OR4K17: variants seen among roughly 807,000 people sequenced by gnomAD.
OR4K17 encodes the protein olfactory receptor 4K17.
For synonymous variants in OR4K17, 157 were observed against 132.8 expected, an observed-to-expected ratio of 1.18 and a Z score of -1.25; for missense variants, 480 against 366.3, an observed-to-expected ratio of 1.31 and a Z score of -2.53.
intron 1 of OR4K17, 166 bp from the exon 2 acceptor site, chr14:20,117,302 G>A: frequency 2.6e-6 from 2 of 764,682 alleles, no homozygotes; most frequent in Non-Finnish European, 4.2e-6. Context: ...GAAGTGGACA[G>A]CTCAGACTAT....
chr14:20,114,536 G>A (rs544507640), intron 1 of OR4K17, among the ~76,000 whole-genome samples: 7 of 151,942 alleles, frequency 4.6e-5, no homozygotes, highest in African/African-American at 1.7e-4. Flanking sequence ...AATATAAAAC[G>A]TATTTAAATC....
In OR4K17 at chr14:20,117,922, T is replaced by C. The variant is rs566272923; in HGVS notation, c.423T>C (p.Cys141=). 7 of 1,614,120 alleles carry C rather than the reference T, an allele frequency of 4.3e-6. No individual in the cohort carries two copies. The African/African-American group carries it at 8.0e-5, about 18-fold the overall frequency. Residue 141 remains cysteine (C), a synonymous_variant, in exon 2 of 2, where the codon TGT becomes TGC. Coordinates refer to ENST00000641386, the MANE Select transcript of OR4K17 (RefSeq NM_001004715.5). ...HYMTIMNKKV[C]VLLVVTSWLL... is the part of the protein sequence containing the mutation. ...TGACCATCATGAACAAGAAGGTATGTGTTTTGCTTGTAGTGACCTCATGGC... is the reference window on the plus strand; with the variant it reads ...TGACCATCATGAACAAGAAGGTATGCGTTTTGCTTGTAGTGACCTCATGGC...
chr14:20,117,121 C>T (rs1285618923), intron 1 of OR4K17, among the ~76,000 whole-genome samples: 5 of 152,116 alleles, frequency 3.3e-5, no homozygotes, highest in Non-Finnish European at 5.9e-5. Context: ...TGTGCTGAAA[C>T]CCTTTGTTCT....
chr14:20,118,224 C>T lies in OR4K17; in HGVS notation c.725C>T (p.Ala242Val), dbSNP rs889588570. The change falls in exon 2 of 2, where the codon GCT (alanine) becomes GTT (valine). Residue 242 changes from alanine (A) to valine (V), a missense_variant. Coordinates refer to ENST00000641386, the MANE Select transcript of OR4K17 (RefSeq NM_001004715.5). ...TCTAAAGCCCGTTCCACTTTGACTG[C>T]TCACATCACAGTGGTGATTCTCTTC... Reference protein sequence around the residue: ...GQSKARSTLTAHITVVILFFG... With the variant: ...GQSKARSTLTVHITVVILFFG... 7 of 1,613,064 alleles carry T rather than the reference C, an allele frequency of 4.3e-6. No individual in the cohort carries two copies. In the African/African-American group the frequency reaches 5.3e-5, roughly 12 times the overall value.
chr14:20,114,104 A>G (rs1250604208), intron 1 of OR4K17, among the ~76,000 whole-genome samples: 4 of 152,034 alleles, frequency 2.6e-5, no homozygotes, highest in Admixed American at 2.6e-4. Flanking sequence ...CAAAGGATAC[A>G]TTCTTTTTAC....
Position 20,119,985 on chromosome 14 carries a change from CA to C in OR4K17, c.*1548del, listed in dbSNP as rs879390302. The stretch of plus-strand genomic sequence containing the variant: ...TAGTCAGTCAAGATTATTTTTAATG[CA>C]GCACCAAAAATAATAAATTATTGAT... On this transcript the variant is annotated 3_prime_UTR_variant, in exon 2 of 2. Transcript: ENST00000641386. 1 of 152,062 alleles carries C rather than the reference CA, an allele frequency of 6.6e-6. No individual in the cohort carries two copies. Among genetic ancestry groups the C allele is most frequent in the Non-Finnish European group, 1.5e-5 (1 of 68,008 alleles). 9.4% of individuals were successfully genotyped at this position (152,062 alleles called of 1,614,324 possible).
At position 20,119,544 on chromosome 14, in the gene OR4K17, C is replaced by A; in HGVS notation, c.*1106C>A. On this transcript the variant is annotated 3_prime_UTR_variant, in exon 2 of 2. Transcript: ENST00000641386. ...ATCTTCAAAATTTATGTTCTTCTGT[C>A]ACGGCTTCAGCAGGTCCCTCTGTTC... The A allele has an allele frequency of 6.6e-6, 1 of 152,458 alleles. No homozygotes were observed. The highest frequency in any genetic ancestry group is 2.0e-4 in the South Asian group (1 of 5,032). 9.4% of individuals were successfully genotyped at this position (152,458 alleles called of 1,614,324 possible).
In OR4K17 at chr14:20,117,782, G is replaced by T. The variant is rs769309392; in HGVS notation, c.283G>T (p.Ala95Ser). Residue 95 changes from alanine to serine, a missense_variant, in exon 2 of 2, where the codon GCT (alanine) becomes TCT (serine). Ala to Ser is a moderately conservative substitution (Grantham distance 99). Transcript: ENST00000641386. ...AAAAAAGCAGAAGGTAATTTCTTTTGCTGGGTGCTTCACTCAGATATTTCT... is the reference window on the plus strand; with the variant it reads ...AAAAAAGCAGAAGGTAATTTCTTTTTCTGGGTGCTTCACTCAGATATTTCT... ...LLKKQKVISF[A>S]GCFTQIFLLH... 1 of 1,614,042 alleles carries T rather than the reference G, an allele frequency of 6.2e-7. No homozygotes were observed. Among genetic ancestry groups the T allele is most frequent in the Non-Finnish European group, 8.5e-7 (1 of 1,179,994 alleles).
chr14:20,110,905 C>T lies in OR4K17; in HGVS notation c.-33+13C>T, dbSNP rs957297385. On this transcript the variant is annotated intron_variant, in intron 1 of 1. Transcript: ENST00000641386. ...TTCTTCTGAACTGGTAAGCAGAAGACATTGCTGACATTATAAAGCCAATGT... is the reference window on the plus strand; with the variant it reads ...TTCTTCTGAACTGGTAAGCAGAAGATATTGCTGACATTATAAAGCCAATGT... 1.4e-4 allele frequency: 21 copies of T among 152,142 alleles called. No homozygotes were observed. The highest frequency in any genetic ancestry group is 4.8e-4 in the African/African-American group (20 of 41,538). The allele number at this position is 152,142 out of a possible 1,614,324, so 9.4% of individuals were successfully genotyped here.
At position 20,121,483 on chromosome 14, in the gene OR4K17, G is replaced by A. The variant is rs558936939; in HGVS notation, c.*3045G>A. The A allele has an allele frequency of 4.6e-5, 7 of 152,084 alleles. No individual in the cohort carries two copies. The highest frequency in any genetic ancestry group is 1.3e-4 in the Admixed American group (2 of 15,278). The allele number at this position is 152,084 out of a possible 1,614,324, so 9.4% of individuals were successfully genotyped here. A position where few individuals can be genotyped will look rare whatever the true frequency, so the allele number is the denominator to read the frequency against. ...AATTGTGACAGTAAAAACATAAAAT[G>A]TGTGGGGGAGGTAGAATAAAAGTGT... On this transcript the variant is annotated 3_prime_UTR_variant, in exon 2 of 2. Coordinates refer to ENST00000641386, the MANE Select transcript of OR4K17 (RefSeq NM_001004715.5).
chr14:20,111,161 C>A (rs1877875044), intron 1 of OR4K17, among the ~76,000 whole-genome samples: 1 of 152,002 alleles, frequency 6.6e-6, no homozygotes, highest in Non-Finnish European at 1.5e-5. Flanking sequence ...AATTTATTAT[C>A]ATTTGGAAAA....
Position 20,117,691 on chromosome 14 carries a change from T to A in OR4K17, c.192T>A (p.Gly64=). The A allele has an allele frequency of 6.2e-7, 1 of 1,614,098 alleles. No individual in the cohort carries two copies. The highest frequency in any genetic ancestry group is 8.5e-7 in the Non-Finnish European group (1 of 1,179,984). Reference sequence around the variant, plus strand: ...ATACTCCCATGTATTTTCTCCTTGGTAATCTCTCTTTTGTAGATATGACCC... The same window carrying A: ...ATACTCCCATGTATTTTCTCCTTGGAAATCTCTCTTTTGTAGATATGACCC... The part of the protein sequence containing the change: ...NLNTPMYFLL[G]NLSFVDMTLA... Residue 64 remains glycine, a synonymous_variant, in exon 2 of 2, where the codon GGT becomes GGA. Transcript: ENST00000641386.
At position 20,118,651 on chromosome 14, in the gene OR4K17, G is replaced by A. The variant is rs923060721; in HGVS notation, c.*213G>A. The stretch of plus-strand genomic sequence containing the variant: ...TCCAGGGGAGACATCACATGTCAGC[G>A]GGTTCCGTGATGCCCCCCAAGCTGC... On this transcript the variant is annotated 3_prime_UTR_variant, in exon 2 of 2. Transcript: ENST00000641386. 37 of 385,420 alleles carry A rather than the reference G, an allele frequency of 9.6e-5. No homozygotes were observed. Among genetic ancestry groups the A allele is most frequent in the African/African-American group, 1.7e-4 (8 of 48,122 alleles). The allele number at this position is 385,420 out of a possible 1,614,324, so 23.9% of individuals were successfully genotyped here.
At chr14:20,113,289 A>G (rs1320019381) in intron 1 of OR4K17, among the ~76,000 whole-genome samples, 1 of 152,014 alleles carries the variant, frequency 6.6e-6, no homozygotes, top group African/African-American at 2.4e-5. Context: ...TTTTATACAT[A>G]TTTACCTATT....
Position 20,117,787 on chromosome 14 carries a change from G to C in OR4K17, c.288G>C (p.Gly96=), listed in dbSNP as rs777520458. The C allele has an allele frequency of 1.9e-6, 3 of 1,613,976 alleles. No homozygotes were observed. The highest frequency in any genetic ancestry group is 1.7e-6 in the Non-Finnish European group (2 of 1,180,016). Reference sequence around the variant, plus strand: ...AGCAGAAGGTAATTTCTTTTGCTGGGTGCTTCACTCAGATATTTCTCCTTC... The same window carrying C: ...AGCAGAAGGTAATTTCTTTTGCTGGCTGCTTCACTCAGATATTTCTCCTTC... ...LKKQKVISFA[G]CFTQIFLLHL... The change falls in exon 2 of 2, where the codon GGG becomes GGC. Residue 96 remains glycine, a synonymous_variant. Transcript: ENST00000641386.
At position 20,117,494 on chromosome 14, in the gene OR4K17, G is replaced by A. The variant is rs374774223; in HGVS notation, c.-6G>A. ...TCATCCAAGAGCGAGCTGTAGGATG[G>A]AGGCCATGAAACTATTAAATCAATC... On this transcript the variant is annotated 5_prime_UTR_variant, in exon 2 of 2. The change creates a premature stop within an existing upstream ORF in the 5' untranslated region. Coordinates refer to ENST00000641386, the MANE Select transcript of OR4K17 (RefSeq NM_001004715.5). The A allele has an allele frequency of 6.2e-6, 10 of 1,613,380 alleles. No homozygotes were observed. The African/African-American group carries it at 1.1e-4, about 17-fold the overall frequency.
intron 1 of OR4K17, among the ~76,000 whole-genome samples, chr14:20,114,509 T>C (rs1227666035): frequency 2.6e-5 from 4 of 152,080 alleles, no homozygotes; most frequent in Non-Finnish European, 5.9e-5. Context: ...TTTAAGATCT[T>C]TTGACTATTT....
At position 20,118,113 on chromosome 14, in the gene OR4K17, T is replaced by C. The variant is rs998956110; in HGVS notation, c.614T>C (p.Ile205Thr). 5.6e-6 allele frequency: 9 copies of C among 1,613,892 alleles called. No homozygotes were observed. The African/African-American group carries it at 1.2e-4, about 22-fold the overall frequency. The change falls in exon 2 of 2, where the codon ATA (isoleucine) becomes ACA (threonine). Residue 205 changes from isoleucine (I) to threonine (T), a missense_variant. Ile to Thr is a moderately conservative substitution (Grantham distance 89). Transcript: ENST00000641386. ...VQVVIVANSG[I>T]ISLSCFIILL... ...GTAGTCATTGTTGCCAACAGTGGCATAATCTCCCTGAGCTGTTTCATTATT... is the reference window on the plus strand; with the variant it reads ...GTAGTCATTGTTGCCAACAGTGGCACAATCTCCCTGAGCTGTTTCATTATT...
At position 20,121,809 on chromosome 14, in the gene OR4K17, G is replaced by A. The variant is rs1878177351; in HGVS notation, c.*3371G>A. The A allele has an allele frequency of 6.6e-6, 1 of 151,874 alleles. No individual in the cohort carries two copies. The highest frequency in any genetic ancestry group is 1.5e-5 in the Non-Finnish European group (1 of 67,946). The allele number at this position is 151,874 out of a possible 1,614,324, so 9.4% of individuals were successfully genotyped here. ...CAGTCAGTTTTCTGGCATATCCATAGGTTTTACATTCACAGACTCAATCAA... is the reference window on the plus strand; with the variant it reads ...CAGTCAGTTTTCTGGCATATCCATAAGTTTTACATTCACAGACTCAATCAA... On this transcript the variant is annotated 3_prime_UTR_variant, in exon 2 of 2. Coordinates refer to ENST00000641386, the MANE Select transcript of OR4K17 (RefSeq NM_001004715.5).
Sources: allele counts gnomAD v4.1 joint callset (sites outside exome capture counted in the v4.1 genomes callset), GRCh38; gene constraint gnomAD v4.1.1; transcripts MANE v1.5; gene names NCBI Gene and HGNC (gene_info 2026-07-23, HGNC 2026-07-21).